The following SNAP91 variants were observed in gnomAD, a reference collection of about 807,000 sequenced individuals.
SNAP91 encodes synaptosome associated protein 91.
A neutral mutation model predicts 100.3 loss-of-function variants in SNAP91; 27 were observed. The observed-to-expected ratio is 0.27, with a 90% CI of 0.20 to 0.37. The LOEUF is 0.37. SNAP91 is among the 10% of genes least tolerant of loss of function. SNAP91 has a pLI of 1.00. For synonymous variants in SNAP91, 404 were observed against 398.6 expected, an observed-to-expected ratio of 1.01 and a Z score of -0.16; for missense variants, 986 against 1,123.7, an observed-to-expected ratio of 0.88 and a Z score of 1.75.
chr6:83,674,190 C>T (rs2098827935), intron 2 of SNAP91, among the ~76,000 whole-genome samples: 1 of 152,100 alleles, frequency 6.6e-6, no homozygotes, highest in African/African-American at 2.4e-5. Flanking sequence ...TTTGCGAGGC[C>T]GAGGCGGGCG....
intron 22 of SNAP91, among the ~76,000 whole-genome samples, chr6:83,585,893 C>G (rs928067826): frequency 1.3e-5 from 2 of 150,510 alleles, no homozygotes; most frequent in African/African-American, 4.9e-5. Context: ...GCTCTGTCAC[C>G]AGGCTGGAGT....
At chr6:83,589,164 T>G (rs2093350430) in intron 22 of SNAP91, among the ~76,000 whole-genome samples, 1 of 152,236 alleles carries the variant, frequency 6.6e-6, no homozygotes, top group African/African-American at 2.4e-5. Flanking sequence ...ATCTTATTGC[T>G]GAACCCCCAA....
intron 9 of SNAP91, among the ~76,000 whole-genome samples, chr6:83,623,019 G>T (rs2096791333): frequency 6.6e-6 from 1 of 151,960 alleles, no homozygotes. Context: ...CATTATTCAA[G>T]GTTTCCTTTT....
At chr6:83,561,611 T>C (rs1411534269) in intron 26 of SNAP91, among the ~76,000 whole-genome samples, 2 of 152,204 alleles carry the variant, frequency 1.3e-5, no homozygotes, top group South Asian at 2.1e-4. Context: ...TGAGTCAAAC[T>C]TCCCTAAGCT....
At chr6:83,648,827 T>C (rs1188068145) in intron 7 of SNAP91, among the ~76,000 whole-genome samples, 1 of 152,206 alleles carries the variant, frequency 6.6e-6, no homozygotes, top group Non-Finnish European at 1.5e-5. Context: ...CTGAGTTCTT[T>C]TATTTGTTCT....
chr6:83,563,378 C>T (rs1465988382), intron 26 of SNAP91, among the ~76,000 whole-genome samples: 1 of 152,032 alleles, frequency 6.6e-6, no homozygotes, highest in African/African-American at 2.4e-5. Context: ...CAGGGAAATT[C>T]CTCAACCCAA....
At chr6:83,611,694 A>G (rs2096087614) in intron 11 of SNAP91, among the ~76,000 whole-genome samples, 1 of 151,312 alleles carries the variant, frequency 6.6e-6, no homozygotes, top group African/African-American at 2.4e-5. Flanking sequence ...TGCCAAGTTA[A>G]TATCTTTCTT....
At chr6:83,606,723 T>C (rs1457348751) in intron 13 of SNAP91, among the ~76,000 whole-genome samples, 2 of 152,224 alleles carry the variant, frequency 1.3e-5, no homozygotes, top group African/African-American at 2.4e-5. Flanking sequence ...CCAAGTAATA[T>C]TCTTTTGAAG....
chr6:83,674,860 CAG>C (rs750423949), intron 2 of SNAP91, among the ~76,000 whole-genome samples: 41 of 152,190 alleles, frequency 2.7e-4, no homozygotes, highest in Non-Finnish European at 5.6e-4. Flanking sequence ...ATGGGAAAGA[CAG>C]GGAAATCATC....
intron 2 of SNAP91, among the ~76,000 whole-genome samples, chr6:83,706,030 A>G (rs1231853398): frequency 2.4e-4 from 37 of 152,192 alleles, no homozygotes; most frequent in Non-Finnish European, 1.5e-5. Flanking sequence ...TAGAAATCAT[A>G]TTGGAAAACC....
Position 83,698,862 on chromosome 6 carries a change from G to T in SNAP91, c.130+8936C>A, listed in dbSNP as rs140656764. On this transcript the variant is annotated intron_variant, in intron 2 of 29. Coordinates refer to ENST00000369694, the MANE Select transcript of SNAP91 (RefSeq NM_001242792.2). ...TAATCTGAACAGCATACCATAATAT[G>T]ACAATATTTTTATAGCTTAACATAT... 6.1e-3 allele frequency among the ~76,000 whole-genome samples: 921 copies of T among 152,194 alleles called. 7 individuals are homozygous for T. The highest frequency in any genetic ancestry group is 0.021 in the African/African-American group (890 of 41,528).
At chr6:83,577,169 G>A (rs1820262719) in intron 24 of SNAP91, among the ~76,000 whole-genome samples, 2 of 152,244 alleles carry the variant, frequency 1.3e-5, no homozygotes, top group Non-Finnish European at 2.9e-5. Flanking sequence ...GCTGAGCAGA[G>A]TCTGGGTGAG....
intron 2 of SNAP91, among the ~76,000 whole-genome samples, chr6:83,698,291 T>G (rs1322187425): frequency 7.4e-6 from 1 of 135,264 alleles, no homozygotes; most frequent in East Asian, 2.1e-4. Context: ...CTCATTTAGA[T>G]GAACTCACAA....
intron 3 of SNAP91, among the ~76,000 whole-genome samples, chr6:83,664,761 A>G (rs1269014489): frequency 1.3e-5 from 2 of 152,174 alleles, no homozygotes; most frequent in East Asian, 3.8e-4. Flanking sequence ...GATTGACTCC[A>G]ATTTTCAAAG....
chr6:83,650,852 A>C (rs1386677507), intron 7 of SNAP91, among the ~76,000 whole-genome samples: 1 of 152,192 alleles, frequency 6.6e-6, no homozygotes, highest in Non-Finnish European at 1.5e-5. Context: ...TCTCACTTAA[A>C]TGCTTGGTAG....
At chr6:83,685,440 A>G (rs2099047797) in intron 2 of SNAP91, among the ~76,000 whole-genome samples, 1 of 152,240 alleles carries the variant, frequency 6.6e-6, no homozygotes, top group Admixed American at 6.5e-5. Flanking sequence ...CATTGTCATT[A>G]AAAATAATTA....
At chr6:83,586,916 C>A (rs2092746893) in intron 22 of SNAP91, among the ~76,000 whole-genome samples, 1 of 151,888 alleles carries the variant, frequency 6.6e-6, no homozygotes, top group Admixed American at 6.6e-5. Context: ...CACTATACTG[C>A]ATGCACCAAA....
intron 9 of SNAP91, among the ~76,000 whole-genome samples, chr6:83,617,789 C>T (rs540297606): frequency 6.6e-6 from 1 of 151,676 alleles, no homozygotes; most frequent in Non-Finnish European, 1.5e-5. Context: ...AATAGGTTCA[C>T]GCAAATTTTT....
intron 6 of SNAP91, 45 bp from the exon 7 acceptor site, chr6:83,656,910 C>A (rs1181359275): frequency 1.2e-6 from 1 of 819,046 alleles, no homozygotes; most frequent in South Asian, 1.8e-5. Context: ...ATCATTAAGT[C>A]TTAATTTTTC....
Sources: gnomAD v4.1 joint callset for allele counts (sites outside exome capture counted in the v4.1 genomes callset) on GRCh38, gnomAD v4.1.1 for gene constraint, MANE v1.5 for transcripts, NCBI Gene and HGNC (gene_info 2026-07-23, HGNC 2026-07-21) for gene names.